The following COQ3 variants were observed in gnomAD, a reference collection of about 807,000 sequenced individuals.
COQ3 encodes ubiquinone biosynthesis O-methyltransferase, mitochondrial.
Under a neutral mutation model 33.1 loss-of-function variants are expected in COQ3, and 29 were observed. The ratio of observed to expected loss-of-function variants is 0.88; its 90% CI spans 0.65 to 1.19. The LOEUF is 1.19. COQ3 is among the 50% of genes most tolerant of loss of function. The pLI is 0.00. For synonymous variants in COQ3, 173 were observed against 157.8 expected (o/e 1.10, Z -0.72); for missense variants, 437 against 430.7 (o/e 1.01, Z -0.13).
At chr6:99,371,641 T>A in intron 5 of COQ3, 54 bp from the exon 6 acceptor site, 1 of 1,258,810 alleles carries the variant, frequency 7.9e-7, no homozygotes, top group Non-Finnish European at 1.1e-6. Flanking sequence ...AGTGTATCAC[T>A]TAAGTAAAAG....
At chr6:99,386,705 G>A (rs1398803701) in intron 1 of COQ3, among the ~76,000 whole-genome samples, 1 of 152,070 alleles carries the variant, frequency 6.6e-6, no homozygotes, top group Non-Finnish European at 1.5e-5. Flanking sequence ...TAGACAAAAT[G>A]GACTAATTCC....
chr6:99,376,102 T>C lies in COQ3; in HGVS notation c.567A>G (p.Ser189=). 1 of 1,614,132 alleles carries C rather than the reference T, an allele frequency of 6.2e-7. No individual in the cohort carries two copies. The highest frequency in any genetic ancestry group is 1.1e-5 in the South Asian group (1 of 91,086). The change falls in exon 5 of 7, where the codon TCA becomes TCG. Residue 189 remains serine, a synonymous_variant. Transcript: ENST00000254759. The part of the protein sequence containing the change: ...ENIKTAQCHK[S]FDPVLDKRIE... ...TTCTCTTATCCAGGACTGGATCAAA[T>C]GATTTATGGCATTGTGCTGTTTTAA...
In COQ3 at chr6:99,369,764, A is replaced by G; in HGVS notation, c.946T>C (p.Trp316Arg). The G allele has an allele frequency of 6.2e-7, 1 of 1,613,786 alleles. No individual in the cohort carries two copies. The highest frequency in any genetic ancestry group is 1.1e-5 in the South Asian group (1 of 91,066). Reference sequence around the variant, plus strand: ...AGGCTGGTATTTTCACTCCAATGCCAGTAACCTGAGAAGGGGTTATAGAGC... The same window carrying G: ...AGGCTGGTATTTTCACTCCAATGCCGGTAACCTGAGAAGGGGTTATAGAGC... The part of the protein sequence containing the change: ...GMLYNPFSGY[W>R]HWSENTSLNY... The change falls in exon 7 of 7, where the codon TGG (tryptophan) becomes CGG (arginine). Residue 316 changes from tryptophan (W) to arginine (R), a missense_variant. Transcript: ENST00000254759.
At chr6:99,372,228 AC>A (rs1774163012) in intron 5 of COQ3, among the ~76,000 whole-genome samples, 1 of 151,888 alleles carries the variant, frequency 6.6e-6, no homozygotes, top group South Asian at 2.1e-4. Flanking sequence ...ACATGGCGAA[AC>A]CCCCGTCTCT....
chr6:99,370,970 A>G (rs181416919), intron 6 of COQ3, among the ~76,000 whole-genome samples: 1 of 152,194 alleles, frequency 6.6e-6, no homozygotes, highest in Non-Finnish European at 1.5e-5. Context: ...GATGAAAAAA[A>G]CCACCAAAAT....
At position 99,377,569 on chromosome 6, in the gene COQ3, A is replaced by G. The variant is rs908965090; in HGVS notation, c.387-84T>C. 5.2e-6 allele frequency: 4 copies of G among 764,608 alleles called. No homozygotes were observed. The African/African-American group carries it at 7.3e-5, about 14-fold the overall frequency. 47.4% of individuals were successfully genotyped at this position (764,608 alleles called of 1,614,324 possible). A position where few individuals can be genotyped will look rare whatever the true frequency, so the allele number is the denominator to read the frequency against. ...CACAAAGTGTGTAGTTTTCAAGGAAATATTAACCTCCATTTAAATAAATTA... is the reference window on the plus strand; with the variant it reads ...CACAAAGTGTGTAGTTTTCAAGGAAGTATTAACCTCCATTTAAATAAATTA... On this transcript the variant is annotated intron_variant, in intron 3 of 6. Coordinates refer to ENST00000254759, the MANE Select transcript of COQ3 (RefSeq NM_017421.4).
rs777542276 is a variant in COQ3 at position 99,369,799 on chromosome 6, A to G, written c.911T>C (p.Val304Ala). 118 of 1,599,742 alleles carry G rather than the reference A, an allele frequency of 7.4e-5. No homozygotes were observed. The highest frequency in any genetic ancestry group is 9.7e-5 in the Non-Finnish European group (114 of 1,172,238). The change falls in exon 7 of 7, where the codon GTG (valine) becomes GCG (alanine). Residue 304 changes from valine (V) to alanine (A), a missense_variant. Val to Ala is a moderately conservative substitution (Grantham distance 64). Coordinates refer to ENST00000254759, the MANE Select transcript of COQ3 (RefSeq NM_017421.4). ...GAAGGGGTTATAGAGCATTCCTACCACTGTTTGAACTGACAGACCATCTGA... is the reference window on the plus strand; with the variant it reads ...GAAGGGGTTATAGAGCATTCCTACCGCTGTTTGAACTGACAGACCATCTGA... Reference protein sequence around the residue: ...LESNGLSVQTVVGMLYNPFSG... With the variant: ...LESNGLSVQTAVGMLYNPFSG...
intron 2 of COQ3, 57 bp downstream of exon 2, chr6:99,383,641 C>A: frequency 7.4e-7 from 1 of 1,348,256 alleles, no homozygotes; most frequent in Non-Finnish European, 1.0e-6. Context: ...AAAGATAATA[C>A]TAAAAACCTA....
At chr6:99,394,017 A>C in intron 1 of COQ3, 57 bp downstream of exon 1, 4 of 1,430,946 alleles carry the variant, frequency 2.8e-6, no homozygotes, top group Non-Finnish European at 3.0e-6. Flanking sequence ...GCGCATGCGC[A>C]GAGACGCCAG....
chr6:99,393,866 C>G (rs1221979633), intron 1 of COQ3, among the ~76,000 whole-genome samples: 1 of 152,224 alleles, frequency 6.6e-6, no homozygotes. Context: ...GACAGGACCA[C>G]TGGTCCTGAG....
chr6:99,393,431 C>A (rs190821219), intron 1 of COQ3, among the ~76,000 whole-genome samples: 16 of 152,160 alleles, frequency 1.1e-4, no homozygotes, highest in Admixed American at 9.8e-4. Context: ...GAGATCCTTG[C>A]GGTGTCATTC....
At chr6:99,380,105 G>T in intron 3 of COQ3, 84 bp downstream of exon 3, 2 of 1,302,960 alleles carry the variant, frequency 1.5e-6, no homozygotes, top group Non-Finnish European at 2.1e-6. Flanking sequence ...TTTTAACTAG[G>T]TATAAACTAA....
At chr6:99,371,683 A>G in intron 5 of COQ3, 96 bp from the exon 6 acceptor site, 1 of 759,458 alleles carries the variant, frequency 1.3e-6, no homozygotes. Context: ...TTTCTTCCAA[A>G]TAATCTGAGT....
At chr6:99,382,974 G>GA (rs55942232) in intron 2 of COQ3, 69,887 of 148,060 alleles carry the variant, frequency 0.47, 17,180 homozygotes, top group East Asian at 0.79. Context: ...AAGAAAAAAA[G>GA]AAAAAAAAAT....
chr6:99,370,344 CTTT>C, intron 6 of COQ3, among the ~76,000 whole-genome samples: 1,874 of 101,174 alleles, frequency 0.019, 15 homozygotes, highest in African/African-American at 0.07. Flanking sequence ...CTTTTCTTTA[CTTT>C]TTTTTTTTTT....
intron 1 of COQ3, among the ~76,000 whole-genome samples, chr6:99,385,826 AATT>A (rs1298997640): frequency 6.6e-6 from 1 of 151,654 alleles, no homozygotes; most frequent in Non-Finnish European, 1.5e-5. Context: ...AAAATACAAA[AATT>A]AGCTGGGGAT....
Position 99,383,756 on chromosome 6 carries a change from T to C in COQ3, c.175A>G (p.Ile59Val). 2 of 1,604,088 alleles carry C rather than the reference T, an allele frequency of 1.2e-6. No homozygotes were observed. Among genetic ancestry groups the C allele is most frequent in the African/African-American group, 1.3e-5 (1 of 74,592 alleles). Reference protein sequence around the residue: ...KPGVFNEYRTIWFKSYRTIFS... With the variant: ...KPGVFNEYRTVWFKSYRTIFS... The stretch of plus-strand genomic sequence containing the variant: ...ATCGTCCTGTAGGATTTGAACCATA[T>C]GGTTCTGTATTCATTGAAAACCCCT... Residue 59 changes from isoleucine to valine, a missense_variant, in exon 2 of 7, where the codon ATA becomes GTA. By Grantham distance (29) the Ile-to-Val change is conservative. Coordinates refer to ENST00000254759, the MANE Select transcript of COQ3 (RefSeq NM_017421.4).
intron 1 of COQ3, among the ~76,000 whole-genome samples, chr6:99,387,624 T>C (rs1485069324): frequency 2.0e-5 from 3 of 152,178 alleles, no homozygotes; most frequent in Non-Finnish European, 4.4e-5. Flanking sequence ...AACCTATAGC[T>C]CACATAGTAC....
At chr6:99,372,341 G>A (rs1361863743) in intron 5 of COQ3, among the ~76,000 whole-genome samples, 5 of 152,056 alleles carry the variant, frequency 3.3e-5, no homozygotes, top group African/African-American at 1.2e-4. Flanking sequence ...GGAGGTGGAG[G>A]TTGCAGTGAT....
Sources: allele counts gnomAD v4.1 joint callset (sites outside exome capture counted in the v4.1 genomes callset), GRCh38; gene constraint gnomAD v4.1.1; transcripts MANE v1.5; gene names NCBI Gene and HGNC (gene_info 2026-07-23, HGNC 2026-07-21).